Variants in NGB observed in about 807,000 individuals in gnomAD.
NGB encodes the protein nitrite reductase.
In NGB, 12 loss-of-function variants were observed where a neutral mutation model predicts 17.3. The observed-to-expected ratio is 0.69, with a 90% CI of 0.45 to 1.13. The LOEUF (loss-of-function observed/expected upper bound fraction) is 1.13, where lower values mean the gene tolerates loss of function less well. Among genes scored for constraint, NGB ranks in the 50% most tolerant of loss-of-function variants. NGB has a pLI of 0.00. For missense variants in NGB, 195 were observed against 191.7 expected (o/e 1.02, Z -0.10); for synonymous variants, 87 against 81.0 (o/e 1.07, Z -0.40).
chr14:77,269,796 C>T (rs55924300), intron 1 of NGB, among the ~76,000 whole-genome samples: 1 of 3,328 alleles, frequency 3.0e-4, no homozygotes, highest in Non-Finnish European at 6.4e-4. Flanking sequence ...TCTCCCTCTC[C>T]CCCCCCCCCC....
intron 3 of NGB, among the ~76,000 whole-genome samples, chr14:77,266,910 T>C (rs1889680298): frequency 6.6e-6 from 1 of 152,232 alleles, no homozygotes; most frequent in African/African-American, 2.4e-5. Flanking sequence ...GTCTTGGTCT[T>C]GCAACCACCC....
In NGB at chr14:77,266,633, C is replaced by T; in HGVS notation, c.359G>A (p.Cys120Tyr). 6.2e-7 allele frequency: 1 copy of T among 1,614,136 alleles called. No homozygotes were observed. The highest frequency in any genetic ancestry group is 1.7e-5 in the Admixed American group (1 of 60,036). The change falls in exon 4 of 4, where the codon TGT (cysteine) becomes TAT (tyrosine). Residue 120 changes from cysteine (C) to tyrosine (Y), a missense_variant. Coordinates refer to ENST00000298352, the MANE Select transcript of NGB (RefSeq NM_021257.4). The stretch of plus-strand genomic sequence containing the variant: ...GGCTGGTGTGAAGGCAGGGCCCAGA[C>T]ACTTCTCCAGCATGTAGAGCAGAGA... ...GESLLYMLEK[C>Y]LGPAFTPATR...
rs1566637074 is a variant in NGB, at chr14:77,268,585, C to T, written c.202G>A (p.Val68Met). 2 of 1,613,996 alleles carry T rather than the reference C, an allele frequency of 1.2e-6. No individual in the cohort carries two copies. Among genetic ancestry groups the T allele is most frequent in the Non-Finnish European group, 1.7e-6 (2 of 1,179,994 alleles). ...ACTGCAGCATCAATCACGAGCATCA[C>T]CTGCCAAGGCCAAGGCAGCAGTGAA... ...SPEFLDHIRK[V>M]MLVIDAAVTN... Residue 68 changes from valine (V) to methionine (M), a missense_variant and splice_region_variant, in exon 3 of 4, where the codon GTG becomes ATG. Physicochemically the swap from Val to Met is conservative, Grantham distance 21. Coordinates refer to ENST00000298352, the MANE Select transcript of NGB (RefSeq NM_021257.4).
chr14:77,268,372 A>G (rs552131996), intron 3 of NGB, 94 bp downstream of exon 3: 7 of 1,356,342 alleles, frequency 5.2e-6, no homozygotes, highest in Non-Finnish European at 7.1e-6. Context: ...AGGATATGGG[A>G]ATGGGAGAGA....
intron 3 of NGB, 104 bp from the exon 4 acceptor site, chr14:77,266,774 CTT>C (rs28909968): frequency 7.7e-7 from 1 of 1,304,122 alleles, no homozygotes; most frequent in South Asian, 1.5e-5. Context: ...GCTCCTGGGC[CTT>C]TTTTCCTCTC....
chr14:77,269,287 C>T lies in NGB; in HGVS notation c.129G>A (p.Gln43=). 1 of 1,551,816 alleles carries T rather than the reference C, an allele frequency of 6.4e-7. No individual in the cohort carries two copies. Among genetic ancestry groups the T allele is most frequent in the South Asian group, 1.2e-5 (1 of 84,064 alleles). The change falls in exon 2 of 4, where the codon CAG becomes CAA. Residue 43 remains glutamine (Q), a synonymous_variant. Coordinates refer to ENST00000298352, the MANE Select transcript of NGB (RefSeq NM_021257.4). ...ALEPDLLPLF[Q]YNCRQFSSPE... ...GGCTGGAGAACTGGCGGCAGTTGTA[C>T]TGGAAGAGGGGCAGCAGGTCAGGCT...
At position 77,269,242 on chromosome 14, in the gene NGB, C is replaced by A; in HGVS notation, c.174G>T (p.Ser58=). 1.3e-6 allele frequency: 2 copies of A among 1,551,280 alleles called. No homozygotes were observed. The highest frequency in any genetic ancestry group is 2.4e-5 in the South Asian group (2 of 84,056). ...QFSSPEDCLS[S]PEFLDHIRKV... is the part of the protein sequence containing the mutation. ...TCCTGATGTGGTCCAGGAACTCAGG[C>A]GAGGAGAGACAGTCCTCTGGGCTGG... The change falls in exon 2 of 4, where the codon TCG becomes TCT. Residue 58 remains serine, a synonymous_variant. Coordinates refer to ENST00000298352, the MANE Select transcript of NGB (RefSeq NM_021257.4).
Position 77,269,218 on chromosome 14 carries a change from C to T in NGB, c.198G>A (p.Arg66=), listed in dbSNP as rs868735737. The change falls in exon 2 of 4, where the codon AGG becomes AGA. Residue 66 remains arginine (R), a synonymous_variant. Coordinates refer to ENST00000298352, the MANE Select transcript of NGB (RefSeq NM_021257.4). ...AGCAGCTCTGCCTCCCTCTCACCTTCCTGATGTGGTCCAGGAACTCAGGCG... is the reference window on the plus strand; with the variant it reads ...AGCAGCTCTGCCTCCCTCTCACCTTTCTGATGTGGTCCAGGAACTCAGGCG... ...LSSPEFLDHI[R]KVMLVIDAAV... The T allele has an allele frequency of 6.5e-7, 1 of 1,546,090 alleles. No homozygotes were observed. Among genetic ancestry groups the T allele is most frequent in the Non-Finnish European group, 8.8e-7 (1 of 1,141,944 alleles).
chr14:77,269,077 G>T lies in NGB; in HGVS notation c.201+138C>A, dbSNP rs986341003. The T allele has an allele frequency of 5.0e-6, 3 of 602,324 alleles. No homozygotes were observed. In the African/African-American group the frequency reaches 5.6e-5, roughly 11 times the overall value. The allele number at this position is 602,324 out of a possible 1,614,324, so 37.3% of individuals were successfully genotyped here. ...GTCCCAGACCAATCCAGCCCAGAGG[G>T]AAAGGAGCTGTACCCTGCTTGGGGG... On this transcript the variant is annotated intron_variant, in intron 2 of 3. Coordinates refer to ENST00000298352, the MANE Select transcript of NGB (RefSeq NM_021257.4).
chr14:77,267,974 A>G (rs1371879860), intron 3 of NGB, among the ~76,000 whole-genome samples: 1 of 152,216 alleles, frequency 6.6e-6, no homozygotes, highest in Non-Finnish European at 1.5e-5. Context: ...CTCAGCTGCT[A>G]TTCTATAAAG....
chr14:77,268,852 T>C (rs1013243292), intron 2 of NGB, among the ~76,000 whole-genome samples: 4 of 152,238 alleles, frequency 2.6e-5, no homozygotes, highest in African/African-American at 9.6e-5. Flanking sequence ...GAGAGTGTTG[T>C]CTGCTGGGAC....
Position 77,268,452 on chromosome 14 carries a change from G to A in NGB, c.321+14C>T, listed in dbSNP as rs768658824. 6.2e-7 allele frequency: 1 copy of A among 1,609,894 alleles called. No homozygotes were observed. Among genetic ancestry groups the A allele is most frequent in the Admixed American group, 1.7e-5 (1 of 59,942 alleles). Reference sequence around the variant, plus strand: ...GCCAGGAGCTCTGGAGAGAGTCAGAGCTCCTTTACCCACCGAGAAGGAGCT... The same window carrying A: ...GCCAGGAGCTCTGGAGAGAGTCAGAACTCCTTTACCCACCGAGAAGGAGCT... On this transcript the variant is annotated intron_variant, in intron 3 of 3. Transcript: ENST00000298352.
chr14:77,268,435 C>A (rs775032372), intron 3 of NGB, 31 bp downstream of exon 3: 1 of 1,605,992 alleles, frequency 6.2e-7, no homozygotes, highest in South Asian at 1.1e-5. Flanking sequence ...AGGCCAGGAG[C>A]TCTGGAGAGA....
At position 77,271,077 on chromosome 14, in the gene NGB, C is replaced by T. The variant is rs1475028901; in HGVS notation, c.-140G>A. The T allele has an allele frequency of 1.0e-5, 6 of 575,464 alleles. No homozygotes were observed. The East Asian group carries it at 1.7e-4, about 17-fold the overall frequency. The allele number at this position is 575,464 out of a possible 1,614,324, so 35.6% of individuals were successfully genotyped here. On this transcript the variant is annotated 5_prime_UTR_variant, in exon 1 of 4. Transcript: ENST00000298352. ...CCGTGCCTCCGCCCGGCGGGGGCCG[C>T]AGCCGCTCCTTCCCTGGCGCGGGAG...
intron 1 of NGB, 21 bp downstream of exon 1, chr14:77,270,828 G>C (rs1889765195): frequency 2.6e-6 from 4 of 1,551,188 alleles, no homozygotes; most frequent in Non-Finnish European, 3.5e-6. Flanking sequence ...CCGCATCCCC[G>C]GGCGCTCGTG....
At chr14:77,267,117 C>G (rs1889684287) in intron 3 of NGB, among the ~76,000 whole-genome samples, 1 of 152,202 alleles carries the variant, frequency 6.6e-6, no homozygotes, top group African/African-American at 2.4e-5. Context: ...GTTATGTAAC[C>G]TCTCTGAGCC....
chr14:77,269,280 A>T lies in NGB; in HGVS notation c.136T>A (p.Cys46Ser). Residue 46 changes from cysteine to serine, a missense_variant, in exon 2 of 4, where the codon TGC becomes AGC. Transcript: ENST00000298352. ...TCCTCTGGGCTGGAGAACTGGCGGC[A>T]GTTGTACTGGAAGAGGGGCAGCAGG... The part of the protein sequence containing the change: ...PDLLPLFQYN[C>S]RQFSSPEDCL... The T allele has an allele frequency of 6.4e-7, 1 of 1,551,902 alleles. No individual in the cohort carries two copies. Among genetic ancestry groups the T allele is most frequent in the Non-Finnish European group, 8.7e-7 (1 of 1,147,016 alleles).
chr14:77,269,241 G>A lies in NGB; in HGVS notation c.175C>T (p.Pro59Ser), dbSNP rs558334380. 7.4e-4 allele frequency: 1,148 copies of A among 1,551,376 alleles called. 18 individuals are homozygous for A. In the South Asian group the frequency reaches 0.013, roughly 18 times the overall value. The change falls in exon 2 of 4, where the codon CCT becomes TCT. Residue 59 changes from proline to serine, a missense_variant. Coordinates refer to ENST00000298352, the MANE Select transcript of NGB (RefSeq NM_021257.4). ...TTCCTGATGTGGTCCAGGAACTCAG[G>A]CGAGGAGAGACAGTCCTCTGGGCTG... ...FSSPEDCLSSPEFLDHIRKVM... is the reference protein window; with the variant it reads ...FSSPEDCLSSSEFLDHIRKVM...
chr14:77,266,707 C>T, intron 3 of NGB, 37 bp from the exon 4 acceptor site: 3 of 1,606,694 alleles, frequency 1.9e-6, no homozygotes, highest in Non-Finnish European at 1.7e-6. Flanking sequence ...CTTCCAAAGG[C>T]AGAAAGGCAC....
Sources: gnomAD v4.1 joint callset for allele counts (sites outside exome capture counted in the v4.1 genomes callset) on GRCh38, gnomAD v4.1.1 for gene constraint, MANE v1.5 for transcripts, NCBI Gene and HGNC (gene_info 2026-07-23, HGNC 2026-07-21) for gene names.